The following PSMD14 variants were observed in gnomAD, a reference collection of about 807,000 sequenced individuals.
PSMD14 encodes the protein ubiquitin C-terminal hydrolase PSMD14.
Under a neutral mutation model 41.2 loss-of-function variants are expected in PSMD14, and 7 were observed. That is an observed-to-expected ratio of 0.17 (90% CI 0.10 to 0.32). The LOEUF is 0.32. Among genes scored for constraint, PSMD14 ranks in the 10% least tolerant of loss-of-function variants. The pLI is 1.00. For synonymous variants in PSMD14, 114 were observed against 122.3 expected, an observed-to-expected ratio of 0.93 and a Z score of 0.45; for missense variants, 139 against 375.6, an observed-to-expected ratio of 0.37 and a Z score of 5.21.
At chr2:161,361,182 T>C (rs1292795186) in intron 3 of PSMD14, among the ~76,000 whole-genome samples, 1 of 152,200 alleles carries the variant, frequency 6.6e-6, no homozygotes, top group African/African-American at 2.4e-5. Flanking sequence ...GGTGGTGGTA[T>C]AACATGATAT....
At chr2:161,370,056 T>G (rs1473775558) in intron 5 of PSMD14, 51 bp from the exon 6 acceptor site, 43 of 1,390,192 alleles carry the variant, frequency 3.1e-5, no homozygotes, top group Non-Finnish European at 4.2e-5. Context: ...ATAGGGAAGC[T>G]TTTTTTCCAA....
At chr2:161,360,104 A>G (rs1442772753) in intron 3 of PSMD14, among the ~76,000 whole-genome samples, 1 of 152,112 alleles carries the variant, frequency 6.6e-6, no homozygotes, top group East Asian at 1.9e-4. Context: ...CTCTGATAGG[A>G]CTATGTGGCT....
chr2:161,355,897 C>G (rs905074603), intron 3 of PSMD14, among the ~76,000 whole-genome samples: 1 of 152,152 alleles, frequency 6.6e-6, no homozygotes, highest in Non-Finnish European at 1.5e-5. Context: ...TAAACACTAT[C>G]TCCTCTATCT....
chr2:161,369,588 T>TA (rs1214974867), intron 5 of PSMD14, among the ~76,000 whole-genome samples: 1 of 152,070 alleles, frequency 6.6e-6, no homozygotes, highest in African/African-American at 2.4e-5. Context: ...TTGGGAGCTA[T>TA]AAAGACAGTA....
At chr2:161,361,458 A>AT (rs34494874) in intron 3 of PSMD14, among the ~76,000 whole-genome samples, 111,226 of 149,562 alleles carry the variant, frequency 0.74, 41,391 homozygotes, top group Admixed American at 0.8. Context: ...ACACGGATAG[A>AT]TTTTTTTTTT....
intron 3 of PSMD14, among the ~76,000 whole-genome samples, chr2:161,333,836 G>C (rs1682829370): frequency 6.6e-6 from 1 of 151,982 alleles, no homozygotes; most frequent in Admixed American, 6.6e-5. Flanking sequence ...TTCGAGACCA[G>C]CCTGGTCAGC....
chr2:161,353,608 T>C (rs774691174), intron 3 of PSMD14, among the ~76,000 whole-genome samples: 1 of 152,240 alleles, frequency 6.6e-6, no homozygotes, highest in Non-Finnish European at 1.5e-5. Flanking sequence ...CCCTAATTCT[T>C]AGCATAAAGG....
At chr2:161,405,195 A>C (rs989827039) in intron 10 of PSMD14, among the ~76,000 whole-genome samples, 1 of 152,094 alleles carries the variant, frequency 6.6e-6, no homozygotes, top group Non-Finnish European at 1.5e-5. Context: ...ACATCCAGCC[A>C]TTCTCCCATG....
chr2:161,392,640 A>C (rs1341116004), intron 9 of PSMD14, among the ~76,000 whole-genome samples: 4 of 152,196 alleles, frequency 2.6e-5, no homozygotes, highest in African/African-American at 9.7e-5. Flanking sequence ...GTGCTTGAGC[A>C]TGTGATGAGT....
intron 7 of PSMD14, among the ~76,000 whole-genome samples, chr2:161,376,865 G>A (rs534341261): frequency 6.6e-6 from 1 of 151,984 alleles, no homozygotes; most frequent in African/African-American, 2.4e-5. Flanking sequence ...TAAAATCGAG[G>A]AATGAATTTG....
chr2:161,405,532 T>C (rs1683937101), intron 10 of PSMD14, among the ~76,000 whole-genome samples: 3 of 152,196 alleles, frequency 2.0e-5, no homozygotes, highest in Admixed American at 2.0e-4. Context: ...GTTTTAAGGA[T>C]TCAGTAAATT....
At position 161,395,116 on chromosome 2, in the gene PSMD14, T is replaced by C. The variant is rs1683774964; in HGVS notation, c.684T>C (p.Gly228=). The change falls in exon 10 of 12, where the codon GGT becomes GGC. Residue 228 remains glycine (G), a synonymous_variant. Coordinates refer to ENST00000409682, the MANE Select transcript of PSMD14 (RefSeq NM_005805.6). The part of the protein sequence containing the change: ...LNLHKKSWME[G]LTLQDYSEHC... The stretch of plus-strand genomic sequence containing the variant: ...TGCATAAGAAGAGTTGGATGGAAGG[T>C]TTGACACTTCAGGACTACAGTGAAC... 6.3e-7 allele frequency: 1 copy of C among 1,597,470 alleles called. No individual in the cohort carries two copies. Among genetic ancestry groups the C allele is most frequent in the Non-Finnish European group, 8.5e-7 (1 of 1,172,676 alleles).
At chr2:161,367,405 C>A in intron 3 of PSMD14, 73 bp from the exon 4 acceptor site, 1 of 1,203,448 alleles carries the variant, frequency 8.3e-7, no homozygotes, top group Non-Finnish European at 1.2e-6. Context: ...CAAGTTTATA[C>A]CACATGTAAC....
intron 3 of PSMD14, among the ~76,000 whole-genome samples, chr2:161,355,378 A>G (rs2105249490): frequency 6.6e-6 from 1 of 152,266 alleles, no homozygotes; most frequent in South Asian, 2.1e-4. Context: ...TCAGAGATGA[A>G]AGATGCAGTA....
chr2:161,316,166 C>G (rs1267008660), intron 1 of PSMD14, among the ~76,000 whole-genome samples: 1 of 152,126 alleles, frequency 6.6e-6, no homozygotes, highest in Non-Finnish European at 1.5e-5. Context: ...GGAAAGATGT[C>G]TGGAAAGACT....
At chr2:161,361,334 C>G (rs1410282627) in intron 3 of PSMD14, among the ~76,000 whole-genome samples, 4 of 152,048 alleles carry the variant, frequency 2.6e-5, no homozygotes, top group Admixed American at 6.5e-5. Flanking sequence ...TTCATCTAGT[C>G]TCAAGATATA....
chr2:161,372,682 A>G (rs1160240564), intron 7 of PSMD14, among the ~76,000 whole-genome samples: 1 of 152,010 alleles, frequency 6.6e-6, no homozygotes, highest in Non-Finnish European at 1.5e-5. Context: ...AAGAGGTTGA[A>G]AAATCCTTGA....
intron 3 of PSMD14, among the ~76,000 whole-genome samples, chr2:161,357,362 A>G (rs879629356): frequency 1.3e-5 from 2 of 152,148 alleles, no homozygotes; most frequent in Non-Finnish European, 2.9e-5. Context: ...GGCTGGTCAC[A>G]CTGCTTGTGC....
chr2:161,399,208 T>G (rs1375243334), intron 10 of PSMD14, among the ~76,000 whole-genome samples: 1 of 152,104 alleles, frequency 6.6e-6, no homozygotes, highest in Non-Finnish European at 1.5e-5. Context: ...GAAGACTTAG[T>G]ATTGTAAAGC....
Sources: allele counts gnomAD v4.1 joint callset (sites outside exome capture counted in the v4.1 genomes callset), GRCh38; gene constraint gnomAD v4.1.1; transcripts MANE v1.5; gene names NCBI Gene and HGNC (gene_info 2026-07-23, HGNC 2026-07-21).